UNC13C: variants seen among roughly 807,000 people sequenced by gnomAD.
The protein encoded by UNC13C is protein unc-13 homolog C.
UNC13C carries 174 observed loss-of-function variants against 245.4 expected under a neutral mutation model. The observed-to-expected ratio is 0.71, with a 90% CI of 0.63 to 0.80. UNC13C has a LOEUF of 0.80. Among genes scored for constraint, UNC13C ranks in the 30% least tolerant of loss-of-function variants. The pLI, the probability that UNC13C is intolerant of heterozygous loss-of-function variation, is 0.00. For synonymous variants in UNC13C, 992 were observed against 895.1 expected, an observed-to-expected ratio of 1.11 and a Z score of -1.93; for missense variants, 2,829 against 2,602.9, an observed-to-expected ratio of 1.09 and a Z score of -1.89.
At chr15:54,265,593 A>G (rs2036532758) in intron 10 of UNC13C, 97 bp downstream of exon 10, 2 of 954,666 alleles carry the variant, frequency 2.1e-6, no homozygotes, top group East Asian at 2.9e-5. Context: ...TCATTTTTTA[A>G]TAATCTCTTA....
At chr15:54,499,342 C>T (rs1894094051) in intron 20 of UNC13C, among the ~76,000 whole-genome samples, 1 of 152,114 alleles carries the variant, frequency 6.6e-6, no homozygotes, top group African/African-American at 2.4e-5. Flanking sequence ...GATCAAAGCA[C>T]CTCCTACCAG....
chr15:54,141,913 G>C (rs1353649322), intron 2 of UNC13C, among the ~76,000 whole-genome samples: 1 of 152,048 alleles, frequency 6.6e-6, no homozygotes, highest in Non-Finnish European at 1.5e-5. Context: ...ATGCATTTCA[G>C]ATTTTCATCT....
chr15:54,131,534 T>C (rs1016551770), intron 2 of UNC13C, among the ~76,000 whole-genome samples: 6 of 152,330 alleles, frequency 3.9e-5, no homozygotes, highest in South Asian at 4.1e-4. Context: ...TGAAATCTTA[T>C]GAATTCTGCT....
chr15:54,630,602 C>A (rs1325174969), downstream of UNC13C: 3 of 152,054 alleles, frequency 2.0e-5, no homozygotes, highest in African/African-American at 7.2e-5. Flanking sequence ...GGCACACAGG[C>A]AAGAGACTGC....
rs768240170 is a variant in UNC13C at position 54,077,376 on chromosome 15, C to CTTTTTTTTTTTTTTTT, written c.2983+61495_2983+61510dup. ...TTTTCCTTTTCTTTTCTTTTCTTTT[C>CTTTTTTTTTTTTTTTT]TTTTTTTTTTTTTTTTTTTTGAGAC... On this transcript the variant is annotated intron_variant, in intron 2 of 32. Coordinates refer to ENST00000260323, the MANE Select transcript of UNC13C (RefSeq NM_001080534.3). 1.1e-3 allele frequency among the ~76,000 whole-genome samples: 69 copies of CTTTTTTTTTTTTTTTT among 62,700 alleles called. 3 individuals carry two copies. Among genetic ancestry groups the CTTTTTTTTTTTTTTTT allele is most frequent in the African/African-American group, 3.2e-3 (53 of 16,516 alleles). The allele number at this position is 62,700 out of a possible 152,430, so 41.1% of individuals were successfully genotyped here.
intron 17 of UNC13C, among the ~76,000 whole-genome samples, chr15:54,380,539 A>G (rs973851073): frequency 5.3e-5 from 8 of 152,090 alleles, no homozygotes; most frequent in Non-Finnish European, 7.4e-5. Flanking sequence ...TATGAGAAAG[A>G]GACTGTTTTC....
the UNC13C span, among the ~76,000 whole-genome samples, chr15:53,843,931 A>T: frequency 6.6e-6 from 1 of 152,208 alleles, no homozygotes; most frequent in East Asian, 1.9e-4. Flanking sequence ...TTGAAGATTC[A>T]TGGAATAAGA....
the UNC13C span, among the ~76,000 whole-genome samples, chr15:53,867,666 T>C: frequency 1.3e-5 from 2 of 152,172 alleles, no homozygotes; most frequent in Non-Finnish European, 2.9e-5. Context: ...CTGTATTTTT[T>C]CTTAAATCTC....
chr15:53,844,773 C>A, the UNC13C span, among the ~76,000 whole-genome samples: 5 of 152,098 alleles, frequency 3.3e-5, no homozygotes, highest in Admixed American at 2.6e-4. Flanking sequence ...ACAGTAAATT[C>A]TTTGGCCAGC....
chr15:54,171,155 T>C (rs2033384192), intron 4 of UNC13C, among the ~76,000 whole-genome samples: 2 of 152,098 alleles, frequency 1.3e-5, no homozygotes, highest in Non-Finnish European at 2.9e-5. Flanking sequence ...CTATAATCAA[T>C]CCCAAACCCT....
intron 2 of UNC13C, among the ~76,000 whole-genome samples, chr15:54,085,335 A>G (rs1899177968): frequency 6.6e-6 from 1 of 152,198 alleles, no homozygotes; most frequent in African/African-American, 2.4e-5. Flanking sequence ...CCCTTAAAGC[A>G]AAAGATACAA....
intron 4 of UNC13C, among the ~76,000 whole-genome samples, chr15:54,195,404 C>T (rs2034320675): frequency 6.6e-6 from 1 of 152,090 alleles, no homozygotes; most frequent in Non-Finnish European, 1.5e-5. Flanking sequence ...TAATGAATAA[C>T]ATTTGTTTTG....
chr15:54,403,454 G>T (rs2040228608), intron 18 of UNC13C, among the ~76,000 whole-genome samples: 1 of 151,996 alleles, frequency 6.6e-6, no homozygotes, highest in Admixed American at 6.6e-5. Flanking sequence ...AGGAGCAGTG[G>T]TTCACGCATG....
At chr15:54,284,273 A>T (rs1305081186) in intron 10 of UNC13C, among the ~76,000 whole-genome samples, 1 of 152,216 alleles carries the variant, frequency 6.6e-6, no homozygotes, top group East Asian at 1.9e-4. Context: ...TTTCTGCTAC[A>T]ATAATTATGC....
chr15:54,368,734 C>A (rs1256351270), intron 17 of UNC13C, among the ~76,000 whole-genome samples: 1 of 152,122 alleles, frequency 6.6e-6, no homozygotes, highest in Non-Finnish European at 1.5e-5. Flanking sequence ...GCAGAGATTT[C>A]ATTCATCAAG....
At chr15:54,269,314 G>A (rs2036627312) in intron 10 of UNC13C, among the ~76,000 whole-genome samples, 1 of 151,686 alleles carries the variant, frequency 6.6e-6, no homozygotes, top group Non-Finnish European at 1.5e-5. Context: ...TTTTTTATGT[G>A]GGAGGGTATC....
chr15:54,454,923 T>C (rs71397588), intron 19 of UNC13C, among the ~76,000 whole-genome samples: 67,208 of 151,202 alleles, frequency 0.44, 15,290 homozygotes, highest in East Asian at 0.71. Flanking sequence ...ATCACGTCAG[T>C]AGTATACACT....
intron 11 of UNC13C, among the ~76,000 whole-genome samples, chr15:54,296,346 G>T (rs376894076): frequency 4.6e-5 from 7 of 150,750 alleles, no homozygotes; most frequent in African/African-American, 1.7e-4. Flanking sequence ...GACTACAGGC[G>T]CCTGCAACCA....
chr15:54,430,888 T>C (rs770200419), intron 19 of UNC13C, among the ~76,000 whole-genome samples: 1 of 151,662 alleles, frequency 6.6e-6, no homozygotes, highest in Non-Finnish European at 1.5e-5. Flanking sequence ...GGTGAGTGGG[T>C]TTGAACAAAT....
Sources: allele counts gnomAD v4.1 joint callset (sites outside exome capture counted in the v4.1 genomes callset), GRCh38; gene constraint gnomAD v4.1.1; transcripts MANE v1.5; gene names NCBI Gene and HGNC (gene_info 2026-07-23, HGNC 2026-07-21).